Variants in COX8A observed in about 807,000 individuals in gnomAD.
COX8A encodes the protein cytochrome c oxidase subunit 8A, mitochondrial.
Under a neutral mutation model 4.4 loss-of-function variants are expected in COX8A, and 6 were observed. That is an observed-to-expected ratio of 1.36 (90% CI 0.74 to 2.68). The LOEUF is 2.68. Among genes scored for constraint, COX8A ranks in the 30% most tolerant of loss-of-function variants. The pLI is 0.00. For missense variants in COX8A, 72 were observed against 89.6 expected (o/e 0.80, Z 0.79); for synonymous variants, 53 against 47.1 (o/e 1.12, Z -0.51).
chr11:63,975,410 C>G (rs1245683758), intron 1 of COX8A, among the ~76,000 whole-genome samples: 1 of 151,890 alleles, frequency 6.6e-6, no homozygotes, highest in Non-Finnish European at 1.5e-5. Flanking sequence ...ATCTCTTGAC[C>G]TCGTGATCCG....
chr11:63,976,169 A>G, intron 1 of COX8A, 56 bp from the exon 2 acceptor site: 1 of 1,531,062 alleles, frequency 6.5e-7, no homozygotes, highest in Non-Finnish European at 9.1e-7. Flanking sequence ...GCAAGGACTT[A>G]GAGAGCCTAG....
Position 63,974,702 on chromosome 11 carries a change from C to T in COX8A, c.22C>T (p.Leu8=), listed in dbSNP as rs7130187. 10,354 of 1,609,600 alleles carry T rather than the reference C, an allele frequency of 6.4e-3. 313 individuals carry two copies. In the African/African-American group the frequency reaches 0.084, roughly 13 times the overall value. ...CATCATGTCCGTCCTGACGCCGCTGCTGCTGCGGGGCTTGACAGGCTCGGC... is the reference window on the plus strand; with the variant it reads ...CATCATGTCCGTCCTGACGCCGCTGTTGCTGCGGGGCTTGACAGGCTCGGC... MSVLTPL[L]LRGLTGSARR... Residue 8 remains leucine, a synonymous_variant, in exon 1 of 2, where the codon CTG becomes TTG. Coordinates refer to ENST00000314133, the MANE Select transcript of COX8A (RefSeq NM_004074.3).
rs144339685 is a variant in COX8A at position 63,974,747 on chromosome 11, C to A, written c.67C>A (p.Arg23Ser). The A allele has an allele frequency of 2.5e-6, 4 of 1,607,976 alleles. No individual in the cohort carries two copies. The East Asian group carries it at 9.0e-5, about 36-fold the overall frequency. Residue 23 changes from arginine (R) to serine (S), a missense_variant, in exon 1 of 2, where the codon CGC (arginine) becomes AGC (serine). Coordinates refer to ENST00000314133, the MANE Select transcript of COX8A (RefSeq NM_004074.3). ...CTCGGCCCGGCGGCTCCCAGTGCCG[C>A]GCGCCAAGATCCATTCGTTGCCGCC... is the stretch of plus-strand genomic sequence containing the variant. ...TGSARRLPVP[R>S]AKIHSLPPEG...
In COX8A at chr11:63,976,373, C is replaced by T; in HGVS notation, c.*53C>T. On this transcript the variant is annotated 3_prime_UTR_variant, in exon 2 of 2. Coordinates refer to ENST00000314133, the MANE Select transcript of COX8A (RefSeq NM_004074.3). ...GACCTGACCAGCCCCACCGGCCCAT[C>T]CTGGTCATGTTACTGCATTTGTGGC... 1 of 1,524,066 alleles carries T rather than the reference C, an allele frequency of 6.6e-7. No individual in the cohort carries two copies. The highest frequency in any genetic ancestry group is 1.9e-4 in the Middle Eastern group (1 of 5,340). The allele number at this position is 1,524,066 out of a possible 1,614,324, so 94.4% of individuals were successfully genotyped here.
chr11:63,976,323 G>C lies in COX8A; in HGVS notation c.*3G>C. The C allele has an allele frequency of 6.2e-7, 1 of 1,613,956 alleles. No individual in the cohort carries two copies. The highest frequency in any genetic ancestry group is 8.5e-7 in the Non-Finnish European group (1 of 1,179,862). On this transcript the variant is annotated 3_prime_UTR_variant, in exon 2 of 2. Coordinates refer to ENST00000314133, the MANE Select transcript of COX8A (RefSeq NM_004074.3). ...AGACCTACAGGAGGCCAGAGTGAAG[G>C]GGTCCGTTCTGTCCCTCACACTGTG...
rs61759492 is a variant in COX8A, at chr11:63,974,791, C to G, written c.111C>G (p.Ile37Met). The G allele has an allele frequency of 2.0e-5, 32 of 1,601,520 alleles. No homozygotes were observed. The highest frequency in any genetic ancestry group is 2.6e-5 in the Non-Finnish European group (31 of 1,173,860). ...TGCCGCCGGAGGGGAAGCTTGGGAT[C>G]ATGGTGAGGAACGGGCCTGGAAGAG... ...HSLPPEGKLGIMELAVGLTSC... is the reference protein window; with the variant it reads ...HSLPPEGKLGMMELAVGLTSC... The change falls in exon 1 of 2, where the codon ATC (isoleucine) becomes ATG (methionine). Residue 37 changes from isoleucine to methionine, a missense_variant. Physicochemically the swap from Ile to Met is conservative, Grantham distance 10 (BLOSUM62 1). Transcript: ENST00000314133.
chr11:63,976,347 T>C lies in COX8A; in HGVS notation c.*27T>C, dbSNP rs759138611. On this transcript the variant is annotated 3_prime_UTR_variant, in exon 2 of 2. Transcript: ENST00000314133. Reference sequence around the variant, plus strand: ...GGGGTCCGTTCTGTCCCTCACACTGTGACCTGACCAGCCCCACCGGCCCAT... The same window carrying C: ...GGGGTCCGTTCTGTCCCTCACACTGCGACCTGACCAGCCCCACCGGCCCAT... 6.2e-7 allele frequency: 1 copy of C among 1,603,122 alleles called. No individual in the cohort carries two copies. The highest frequency in any genetic ancestry group is 1.1e-5 in the South Asian group (1 of 90,858).
At chr11:63,975,319 C>T (rs577386898) in intron 1 of COX8A, among the ~76,000 whole-genome samples, 4 of 151,832 alleles carry the variant, frequency 2.6e-5, no homozygotes, top group African/African-American at 4.8e-5. Context: ...GCTGGGACTA[C>T]AGGCGCGTGC....
Position 63,976,281 on chromosome 11 carries a change from G to A in COX8A, c.171G>A (p.Trp57Ter). 6.2e-7 allele frequency: 1 copy of A among 1,614,178 alleles called. No homozygotes were observed. Among genetic ancestry groups the A allele is most frequent in the Non-Finnish European group, 8.5e-7 (1 of 1,180,038 alleles). ...CFVTFLLPAG[W>*]ILSHLETYRR... is the part of the protein sequence containing the mutation. ...TGACCTTCCTCCTGCCAGCGGGCTG[G>A]ATCCTGTCACACCTGGAGACCTACA... is the stretch of plus-strand genomic sequence containing the variant. Residue 57 changes from tryptophan to a stop codon, truncating the protein, a stop_gained, in exon 2 of 2, where the codon TGG (tryptophan) becomes TGA (stop). Coordinates refer to ENST00000314133, the MANE Select transcript of COX8A (RefSeq NM_004074.3). LOFTEE classifies it high-confidence loss of function.
chr11:63,975,652 T>G (rs1475361238), intron 1 of COX8A, among the ~76,000 whole-genome samples: 2 of 152,082 alleles, frequency 1.3e-5, no homozygotes, highest in Non-Finnish European at 2.9e-5. Flanking sequence ...CTCGGCTTAC[T>G]GCAACCTCCG....
At position 63,976,482 on chromosome 11, in the gene COX8A, G is replaced by A. The variant is rs907599516; in HGVS notation, c.*162G>A. ...TTGATGTCTCCATGGTGACCTCCTTGGGGGTCACTGACCCTGCTTGGTGGG... is the reference window on the plus strand; with the variant it reads ...TTGATGTCTCCATGGTGACCTCCTTAGGGGTCACTGACCCTGCTTGGTGGG... On this transcript the variant is annotated 3_prime_UTR_variant, in exon 2 of 2. Coordinates refer to ENST00000314133, the MANE Select transcript of COX8A (RefSeq NM_004074.3). 1.1e-5 allele frequency: 7 copies of A among 640,970 alleles called. No individual in the cohort carries two copies. The highest frequency in any genetic ancestry group is 1.6e-5 in the Non-Finnish European group (6 of 365,288). 39.7% of individuals were successfully genotyped at this position (640,970 alleles called of 1,614,324 possible). A position where few individuals can be genotyped will look rare whatever the true frequency, so the allele number is the denominator to read the frequency against.
chr11:63,976,299 G>A lies in COX8A; in HGVS notation c.189G>A (p.Glu63=), dbSNP rs946401183. The change falls in exon 2 of 2, where the codon GAG becomes GAA. Residue 63 remains glutamate (E), a synonymous_variant. Transcript: ENST00000314133. ...LPAGWILSHL[E]TYRRPE The stretch of plus-strand genomic sequence containing the variant: ...CGGGCTGGATCCTGTCACACCTGGA[G>A]ACCTACAGGAGGCCAGAGTGAAGGG... 5.0e-6 allele frequency: 8 copies of A among 1,614,170 alleles called. No homozygotes were observed. Among genetic ancestry groups the A allele is most frequent in the Non-Finnish European group, 6.8e-6 (8 of 1,180,024 alleles).
In COX8A at chr11:63,976,260, CTTCCT is replaced by C. The variant is rs1565181157; in HGVS notation, c.151_155del (p.Phe51ProfsTer28). The stretch of plus-strand genomic sequence containing the variant: ...TTGGGCTTACCTCCTGCTTCGTGAC[CTTCCT>C]CCTGCCAGCGGGCTGGATCCTGTCA... On this transcript the variant is annotated frameshift_variant, in exon 2 of 2. Transcript: ENST00000314133. LOFTEE classifies it high-confidence loss of function. The C allele has an allele frequency of 6.2e-7, 1 of 1,614,060 alleles. No homozygotes were observed. The highest frequency in any genetic ancestry group is 1.3e-5 in the African/African-American group (1 of 74,912).
chr11:63,974,664 G>T lies in COX8A; in HGVS notation c.-17G>T, dbSNP rs1169983167. 3 of 1,592,208 alleles carry T rather than the reference G, an allele frequency of 1.9e-6. No homozygotes were observed. The highest frequency in any genetic ancestry group is 8.6e-7 in the Non-Finnish European group (1 of 1,168,342). ...GGGCTACGGCTGACCGTTTTTTGTG[G>T]TGTACTCCGTGCCATCATGTCCGTC... On this transcript the variant is annotated 5_prime_UTR_variant, in exon 1 of 2. Transcript: ENST00000314133.
Position 63,974,770 on chromosome 11 carries a change from G to T in COX8A, c.90G>T (p.Pro30=), listed in dbSNP as rs1207397048. The T allele has an allele frequency of 1.2e-6, 2 of 1,607,078 alleles. No homozygotes were observed. The highest frequency in any genetic ancestry group is 2.7e-5 in the African/African-American group (2 of 74,848). ...CGCGCGCCAAGATCCATTCGTTGCC[G>T]CCGGAGGGGAAGCTTGGGATCATGG... is the stretch of plus-strand genomic sequence containing the variant. ...PVPRAKIHSL[P]PEGKLGIMEL... Residue 30 remains proline (P), a synonymous_variant, in exon 1 of 2, where the codon CCG becomes CCT. Transcript: ENST00000314133.
chr11:63,975,949 T>C (rs760707862), intron 1 of COX8A, among the ~76,000 whole-genome samples: 13 of 152,160 alleles, frequency 8.5e-5, no homozygotes, highest in Non-Finnish European at 1.8e-4. Flanking sequence ...TGGTGGTGCA[T>C]TTCTCCCTGA....
In COX8A at chr11:63,976,254, C is replaced by G. The variant is rs760287531; in HGVS notation, c.144C>G (p.Phe48Leu). 21 of 1,614,058 alleles carry G rather than the reference C, an allele frequency of 1.3e-5. 1 individual carries two copies. In the Middle Eastern group the frequency reaches 4.9e-4, roughly 38 times the overall value. ...MELAVGLTSC[F>L]VTFLLPAGWI... ...TGGCCGTTGGGCTTACCTCCTGCTTCGTGACCTTCCTCCTGCCAGCGGGCT... is the reference window on the plus strand; with the variant it reads ...TGGCCGTTGGGCTTACCTCCTGCTTGGTGACCTTCCTCCTGCCAGCGGGCT... The change falls in exon 2 of 2, where the codon TTC (phenylalanine) becomes TTG (leucine). Residue 48 changes from phenylalanine to leucine, a missense_variant. Physicochemically the swap from Phe to Leu is conservative, Grantham distance 22. Transcript: ENST00000314133.
chr11:63,975,798 T>C (rs1590771745), intron 1 of COX8A, among the ~76,000 whole-genome samples: 1 of 152,156 alleles, frequency 6.6e-6, no homozygotes, highest in Non-Finnish European at 1.5e-5. Context: ...GTCAGGCTGG[T>C]CTCTAACTCC....
At chr11:63,975,158 G>A (rs533229521) in intron 1 of COX8A, among the ~76,000 whole-genome samples, 44 of 152,234 alleles carry the variant, frequency 2.9e-4, no homozygotes, top group Non-Finnish European at 4.6e-4. Flanking sequence ...GGTTGTTACT[G>A]CTATTTATTT....
Sources: gnomAD v4.1 joint callset for allele counts (sites outside exome capture counted in the v4.1 genomes callset) on GRCh38, gnomAD v4.1.1 for gene constraint, MANE v1.5 for transcripts, NCBI Gene and HGNC (gene_info 2026-07-23, HGNC 2026-07-21) for gene names.